The following TRPC7 variants were observed in gnomAD, a reference collection of about 807,000 sequenced individuals.
TRPC7 encodes the protein short transient receptor potential channel 7.
TRPC7 carries 42 observed loss-of-function variants against 90.1 expected under a neutral mutation model. The observed-to-expected ratio is 0.47, with a 90% CI of 0.36 to 0.60. The LOEUF (loss-of-function observed/expected upper bound fraction) is 0.60. Ranked by LOEUF, TRPC7 falls within the 20% of genes least tolerant of loss-of-function variation. The pLI, the probability that TRPC7 is intolerant of heterozygous loss-of-function variation, is 0.00. For missense variants in TRPC7, 955 were observed against 1,112.3 expected (o/e 0.86, Z 2.01); for synonymous variants, 451 against 436.3 (o/e 1.03, Z -0.42).
intron 10 of TRPC7, among the ~76,000 whole-genome samples, chr5:136,224,475 C>G (rs1433041580): frequency 6.6e-6 from 1 of 152,162 alleles, no homozygotes; most frequent in South Asian, 2.1e-4. Context: ...ACCTGTGAGC[C>G]ATGCTGGGTG....
chr5:136,341,747 C>G (rs1264597615), intron 2 of TRPC7, among the ~76,000 whole-genome samples: 1 of 152,160 alleles, frequency 6.6e-6, no homozygotes, highest in Non-Finnish European at 1.5e-5. Context: ...CAAGGAGAAA[C>G]CAAACTCTTG....
chr5:136,356,647 G>A lies in TRPC7; in HGVS notation c.741C>T (p.Asn247=). ...DPVLTALELS[N]ELARLANIET... ...CAATGTTGGCTAGTCTGGCTAACTCGTTGCTGAGCTCCAGGGCGGTGAGGA... is the reference window on the plus strand; with the variant it reads ...CAATGTTGGCTAGTCTGGCTAACTCATTGCTGAGCTCCAGGGCGGTGAGGA... Residue 247 remains asparagine, a synonymous_variant, in exon 2 of 12, where the codon AAC becomes AAT. Transcript: ENST00000513104. The A allele has an allele frequency of 6.4e-7, 1 of 1,560,354 alleles. No individual in the cohort carries two copies. Among genetic ancestry groups the A allele is most frequent in the Non-Finnish European group, 8.7e-7 (1 of 1,152,628 alleles).
intron 3 of TRPC7, among the ~76,000 whole-genome samples, chr5:136,309,146 C>T (rs1231829628): frequency 7.2e-5 from 11 of 152,212 alleles, no homozygotes; most frequent in Non-Finnish European, 1.2e-4. Flanking sequence ...GGGTAACTTT[C>T]CAAGTGCTGT....
chr5:136,357,377 T>C lies in TRPC7; in HGVS notation c.11A>G (p.Asn4Ser), dbSNP rs1193060196. MLR[N>S]STFKNMQRRH... ...GCGCTGCATGTTTTTGAAGGTGCTG[T>C]TCCTCAACCTATGGGACAAGGCAAA... Residue 4 changes from asparagine (N) to serine (S), a missense_variant, in exon 2 of 12, where the codon AAC (asparagine) becomes AGC (serine). By Grantham distance (46) the Asn-to-Ser change is conservative (BLOSUM62 1). This residue lies in a region of TRPC7 where 161 missense variants were observed against 145.7 expected (regional missense o/e 1.10). Transcript: ENST00000513104. 1.3e-6 allele frequency: 2 copies of C among 1,595,744 alleles called. No individual in the cohort carries two copies. Among genetic ancestry groups the C allele is most frequent in the East Asian group, 2.2e-5 (1 of 44,776 alleles).
intron 6 of TRPC7, among the ~76,000 whole-genome samples, chr5:136,248,629 C>T (rs1271627345): frequency 6.6e-6 from 1 of 152,168 alleles, no homozygotes. Flanking sequence ...GCAGGTTTGC[C>T]ACGACAGCCC....
intron 2 of TRPC7, among the ~76,000 whole-genome samples, chr5:136,351,906 T>C (rs962646988): frequency 2.6e-5 from 4 of 152,224 alleles, no homozygotes; most frequent in Admixed American, 2.6e-4. Context: ...AGCAACCCAT[T>C]GATAAACAGA....
intron 3 of TRPC7, among the ~76,000 whole-genome samples, chr5:136,281,777 T>C (rs1364697379): frequency 2.0e-5 from 3 of 152,212 alleles, no homozygotes; most frequent in African/African-American, 7.2e-5. Flanking sequence ...GTTTCAAGGG[T>C]TTAGAAAATA....
At chr5:136,345,046 T>A (rs1421149338) in intron 2 of TRPC7, among the ~76,000 whole-genome samples, 9 of 152,186 alleles carry the variant, frequency 5.9e-5, no homozygotes, top group African/African-American at 2.2e-4. Flanking sequence ...GATGCAAAAG[T>A]CATATTTCTT....
intron 8 of TRPC7, among the ~76,000 whole-genome samples, chr5:136,227,152 T>C (rs953234022): frequency 1.3e-5 from 2 of 152,210 alleles, no homozygotes; most frequent in Admixed American, 1.3e-4. Context: ...GGTTCTGTTC[T>C]TTCTGACATT....
At chr5:136,293,138 A>G (rs916139136) in intron 3 of TRPC7, among the ~76,000 whole-genome samples, 3 of 152,206 alleles carry the variant, frequency 2.0e-5, no homozygotes, top group South Asian at 2.1e-4. Context: ...TTGATGGGAC[A>G]TATCTCAAAA....
At position 136,213,344 on chromosome 5, in the gene TRPC7, G is replaced by T. The variant is rs76887239; in HGVS notation, c.*91C>A. ...TCCCCTTCGTGTCCTAGAGGAGTGGGCTGGGGACCCCTCCCCACCAAGGAT... is the reference window on the plus strand; with the variant it reads ...TCCCCTTCGTGTCCTAGAGGAGTGGTCTGGGGACCCCTCCCCACCAAGGAT... On this transcript the variant is annotated 3_prime_UTR_variant, in exon 12 of 12. Transcript: ENST00000513104. The T allele has an allele frequency of 6.8e-5, 95 of 1,391,956 alleles. 2 individuals carry two copies. In the East Asian group the frequency reaches 2.2e-3, roughly 33 times the overall value. 86.2% of individuals were successfully genotyped at this position (1,391,956 alleles called of 1,614,324 possible). A position where few individuals can be genotyped will look rare whatever the true frequency, so the allele number is the denominator to read the frequency against.
rs539024298 is a variant in TRPC7 at position 136,356,741 on chromosome 5, C to A, written c.647G>T (p.Arg216Leu). 3.1e-6 allele frequency: 5 copies of A among 1,612,322 alleles called. No homozygotes were observed. Among genetic ancestry groups the A allele is most frequent in the Non-Finnish European group, 4.2e-6 (5 of 1,178,980 alleles). Residue 216 changes from arginine to leucine, a missense_variant, in exon 2 of 12, where the codon CGC (arginine) becomes CTC (leucine). Physicochemically the swap from Arg to Leu is moderately radical, Grantham distance 102. Around this residue, in one of 4 missense-constraint regions of TRPC7, gnomAD observed 484 missense variants for 509.6 expected, o/e 0.95. Transcript: ENST00000513104. ...TCCTTTGTAGGCGTTCATGCGCGAG[C>A]GCGAGTGGCTGAAGGAGTCTTTCCG... ...KQRKDSFSHSRSRMNAYKGLA... is the reference protein window; with the variant it reads ...KQRKDSFSHSLSRMNAYKGLA...
intron 2 of TRPC7, among the ~76,000 whole-genome samples, chr5:136,339,262 T>A (rs141494935): frequency 1.5e-3 from 235 of 152,340 alleles, no homozygotes; most frequent in African/African-American, 5.4e-3. Context: ...TAAAACAAGA[T>A]GATAAGAGTC....
chr5:136,226,264 C>G lies in TRPC7; in HGVS notation c.2041-9G>C. On this transcript the variant is annotated splice_polypyrimidine_tract_variant and intron_variant, in intron 8 of 11. Coordinates refer to ENST00000513104, the MANE Select transcript of TRPC7 (RefSeq NM_020389.3). ...TCCACATCTGCATCCTCCTGTGGAA[C>G]AAGGGAAACAACAACACACCCTCAA... 6.5e-7 allele frequency: 1 copy of G among 1,547,546 alleles called. No individual in the cohort carries two copies. The highest frequency in any genetic ancestry group is 1.4e-5 in the African/African-American group (1 of 73,014).
intron 9 of TRPC7, among the ~76,000 whole-genome samples, chr5:136,225,610 C>A (rs139084516): frequency 8.0e-4 from 122 of 152,136 alleles, no homozygotes; most frequent in African/African-American, 2.8e-3. Context: ...ACATGGATGT[C>A]TTTTCTCCAG....
chr5:136,294,643 G>A (rs183621732), intron 3 of TRPC7, among the ~76,000 whole-genome samples: 144 of 152,218 alleles, frequency 9.5e-4, no homozygotes, highest in African/African-American at 3.4e-3. Flanking sequence ...GGAAACAACA[G>A]GTGCTAGAGA....
chr5:136,336,785 G>A (rs1364425872), intron 2 of TRPC7, among the ~76,000 whole-genome samples: 2 of 152,110 alleles, frequency 1.3e-5, no homozygotes, highest in Non-Finnish European at 1.5e-5. Context: ...CCTTGTGATA[G>A]TTTGTTCAGA....
chr5:136,306,443 C>T (rs751036682), intron 3 of TRPC7, among the ~76,000 whole-genome samples: 9 of 152,122 alleles, frequency 5.9e-5, no homozygotes, highest in Non-Finnish European at 1.2e-4. Flanking sequence ...CACCTAATCC[C>T]GCTTGAAGCA....
At chr5:136,334,526 C>G (rs1759592173) in intron 2 of TRPC7, among the ~76,000 whole-genome samples, 1 of 152,226 alleles carries the variant, frequency 6.6e-6, no homozygotes, top group African/African-American at 2.4e-5. Flanking sequence ...TTTGTCACCT[C>G]TGAGAACTCT....
Sources: allele counts gnomAD v4.1 joint callset (sites outside exome capture counted in the v4.1 genomes callset), GRCh38; gene constraint gnomAD v4.1.1; regional missense constraint gnomAD v4.1.1; transcripts MANE v1.5; gene names NCBI Gene and HGNC (gene_info 2026-07-23, HGNC 2026-07-21).